CEP128: variants seen among roughly 807,000 people sequenced by gnomAD.
The protein encoded by CEP128 is centrosomal protein 128kDa.
A neutral mutation model predicts 156.7 loss-of-function variants in CEP128; 132 were observed. The observed-to-expected ratio is 0.84, with a 90% confidence interval of 0.73 to 0.97. The LOEUF is 0.97. CEP128 is among the 50% of genes least tolerant of loss of function. CEP128 has a pLI of 0.00. For synonymous variants in CEP128, 469 were observed against 448.9 expected (o/e 1.04, Z -0.57); for missense variants, 1,252 against 1,281.9 (o/e 0.98, Z 0.36).
chr14:80,485,649 T>A (rs895882088), downstream of CEP128, among the ~76,000 whole-genome samples: 3 of 152,182 alleles, frequency 2.0e-5, no homozygotes, highest in Admixed American at 2.0e-4. Flanking sequence ...TAATAGAGAC[T>A]TTTTTAGCCA....
At chr14:80,641,856 A>G (rs10146576) in intron 19 of CEP128, among the ~76,000 whole-genome samples, 53,445 of 151,712 alleles carry the variant, frequency 0.35, 11,156 homozygotes, top group African/African-American at 0.58. Context: ...AGAGAAGGCC[A>G]AGGCGGGTGG....
intron 8 of CEP128, among the ~76,000 whole-genome samples, chr14:80,876,413 T>C (rs1411954335): frequency 6.6e-6 from 1 of 151,942 alleles, no homozygotes; most frequent in Non-Finnish European, 1.5e-5. Flanking sequence ...CTGGCTAACA[T>C]GATGAAACCC....
chr14:80,676,525 T>C (rs1896068620), intron 19 of CEP128, among the ~76,000 whole-genome samples: 1 of 152,182 alleles, frequency 6.6e-6, no homozygotes, highest in Admixed American at 6.5e-5. Flanking sequence ...ATACCATAAA[T>C]ATCTTCATCT....
chr14:80,788,288 C>CTTTTTTTTTTTTTTTTTTTT (rs10628361), intron 14 of CEP128, among the ~76,000 whole-genome samples: 1 of 97,256 alleles, frequency 1.0e-5, no homozygotes. Flanking sequence ...TGGCCAGGAT[C>CTTTTTTTTTTTTTTTTTTTT]TTTTTTTTTT....
chr14:80,659,527 C>T (rs1895310597), intron 19 of CEP128, among the ~76,000 whole-genome samples: 1 of 152,166 alleles, frequency 6.6e-6, no homozygotes, highest in African/African-American at 2.4e-5. Flanking sequence ...CTTTCCTTCA[C>T]TTAACATGCC....
chr14:80,918,829 A>G (rs914029078), intron 2 of CEP128, among the ~76,000 whole-genome samples: 1 of 152,214 alleles, frequency 6.6e-6, no homozygotes, highest in Non-Finnish European at 1.5e-5. Flanking sequence ...AAAAAAACTA[A>G]GTGACATATC....
chr14:80,493,769 G>T (rs1388501193), downstream of CEP128, among the ~76,000 whole-genome samples: 3 of 152,144 alleles, frequency 2.0e-5, no homozygotes, highest in African/African-American at 7.2e-5. Flanking sequence ...AAACACTAAG[G>T]GTGACTTGTG....
chr14:80,744,820 TC>T, intron 18 of CEP128, among the ~76,000 whole-genome samples: 1 of 152,030 alleles, frequency 6.6e-6, no homozygotes, highest in Non-Finnish European at 1.5e-5. Flanking sequence ...AATCCCTTGC[TC>T]CCCCAATGTG....
chr14:80,637,436 C>T (rs1278509784), intron 19 of CEP128, among the ~76,000 whole-genome samples: 1 of 152,130 alleles, frequency 6.6e-6, no homozygotes, highest in African/African-American at 2.4e-5. Context: ...AAGGAGAATT[C>T]AATCCATCTC....
At position 80,572,460 on chromosome 14, in the gene CEP128, C is replaced by T. The variant is rs17110799; in HGVS notation, c.2856+7914G>A. Among the ~76,000 whole-genome samples the T allele has an allele frequency of 2.2e-4, 34 of 152,012 alleles. No individual in the cohort carries two copies. In the South Asian group the frequency reaches 6.6e-3, roughly 30 times the overall value. On this transcript the variant is annotated intron_variant, in intron 20 of 24. Transcript: ENST00000555265. Reference sequence around the variant, plus strand: ...ATTCTCATTGTTATCCAGAGATAGACGATAAAATGGATTAACATAGATATT... The same window carrying T: ...ATTCTCATTGTTATCCAGAGATAGATGATAAAATGGATTAACATAGATATT...
Position 80,539,936 on chromosome 14 carries a change from T to C in CEP128, c.2881-9050A>G, listed in dbSNP as rs138233701. Among the ~76,000 whole-genome samples, 488 of 152,278 alleles carry C rather than the reference T, an allele frequency of 3.2e-3. 3 individuals are homozygous for C. The highest frequency in any genetic ancestry group is 0.011 in the African/African-American group (469 of 41,546). ...TCTCCTGCAGTACCCTCAGGCTTAC[T>C]AGAGTGGGGAAAAACTCCACCCTGG... is the stretch of plus-strand genomic sequence containing the variant. On this transcript the variant is annotated intron_variant, in intron 21 of 24. Coordinates refer to ENST00000555265, the MANE Select transcript of CEP128 (RefSeq NM_152446.5).
intron 19 of CEP128, among the ~76,000 whole-genome samples, chr14:80,695,348 A>C (rs1298891659): frequency 6.6e-6 from 1 of 152,226 alleles, no homozygotes; most frequent in Non-Finnish European, 1.5e-5. Flanking sequence ...GTTTTGAGAA[A>C]TAATTAGTTT....
intron 19 of CEP128, among the ~76,000 whole-genome samples, chr14:80,598,080 G>A (rs996174331): frequency 6.6e-6 from 1 of 150,384 alleles, no homozygotes; most frequent in Admixed American, 6.7e-5. Context: ...ATTCATCATA[G>A]TACAGGAAGT....
chr14:80,492,943 T>C (rs1887373397), downstream of CEP128, among the ~76,000 whole-genome samples: 1 of 152,154 alleles, frequency 6.6e-6, no homozygotes, highest in Non-Finnish European at 1.5e-5. Context: ...GTTGGTAGTT[T>C]AGTATCCATT....
intron 9 of CEP128, among the ~76,000 whole-genome samples, chr14:80,844,588 A>G (rs560738120): frequency 6.6e-6 from 1 of 152,268 alleles, no homozygotes; most frequent in South Asian, 2.1e-4. Flanking sequence ...CCTCTTTTTC[A>G]AAAGGTAATA....
At chr14:80,823,188 C>G (rs1483925401) in intron 13 of CEP128, among the ~76,000 whole-genome samples, 1 of 152,238 alleles carries the variant, frequency 6.6e-6, no homozygotes, top group East Asian at 1.9e-4. Context: ...CAGACCACTA[C>G]TGGGACCTGA....
intron 22 of CEP128, among the ~76,000 whole-genome samples, chr14:80,528,119 T>C (rs1329598585): frequency 1.3e-5 from 2 of 152,162 alleles, no homozygotes; most frequent in African/African-American, 2.4e-5. Flanking sequence ...TCATGCTTAG[T>C]ACAAAAACAA....
At chr14:80,494,303 C>A (rs1269823483), downstream of CEP128, among the ~76,000 whole-genome samples, 1 of 152,114 alleles carries the variant, frequency 6.6e-6, no homozygotes, top group Non-Finnish European at 1.5e-5. Context: ...ATGAAAATCA[C>A]AAATTTTCTG....
intron 8 of CEP128, among the ~76,000 whole-genome samples, chr14:80,875,512 G>A (rs1013507749): frequency 6.6e-6 from 1 of 152,070 alleles, no homozygotes; most frequent in Non-Finnish European, 1.5e-5. Context: ...ATAGACAATC[G>A]AAACAGACAC....
Sources: gnomAD v4.1 joint callset for allele counts (sites outside exome capture counted in the v4.1 genomes callset) on GRCh38, gnomAD v4.1.1 for gene constraint, MANE v1.5 for transcripts, NCBI Gene and HGNC (gene_info 2026-07-23, HGNC 2026-07-21) for gene names.